Variants in CEP170 observed in about 807,000 individuals in gnomAD.
CEP170 encodes centrosomal protein 170.
In CEP170, 21 loss-of-function variants were observed where a neutral mutation model predicts 151.9. The ratio of observed to expected loss-of-function variants is 0.14; its 90% CI spans 0.10 to 0.20. CEP170 has a LOEUF of 0.20. CEP170 is among the 10% of genes least tolerant of loss of function. The pLI is 1.00. For synonymous variants in CEP170, 356 were observed against 648.8 expected (o/e 0.55, Z 6.86); for missense variants, 964 against 1,892.9 (o/e 0.51, Z 9.11).
intron 13 of CEP170, among the ~76,000 whole-genome samples, chr1:243,161,303 CAAA>C (rs200842010): frequency 9.2e-6 from 1 of 108,502 alleles, no homozygotes. Context: ...GAGTCCGTCT[CAAA>C]AAAAAAAAAA....
chr1:243,150,212 G>A (rs1223260820), intron 14 of CEP170, among the ~76,000 whole-genome samples: 5 of 152,290 alleles, frequency 3.3e-5, no homozygotes, highest in African/African-American at 1.2e-4. Context: ...GTGCAGTGGC[G>A]TGATCTCGGC....
rs551156299 is a variant in CEP170, at chr1:243,228,670, C to A, written c.-41-3349G>T. 2.6e-5 allele frequency among the ~76,000 whole-genome samples: 4 copies of A among 152,180 alleles called. No homozygotes were observed. In the East Asian group the frequency reaches 7.7e-4, roughly 29 times the overall value. Reference sequence around the variant, plus strand: ...AAGACATGTTAAAAGAAAATAAATCCAGCCTACATACAGTAAACTAAAACA... The same window carrying A: ...AAGACATGTTAAAAGAAAATAAATCAAGCCTACATACAGTAAACTAAAACA... On this transcript the variant is annotated intron_variant, in intron 1 of 19. Transcript: ENST00000366542.
chr1:243,157,008 C>T (rs2057622961), intron 13 of CEP170, among the ~76,000 whole-genome samples: 1 of 152,194 alleles, frequency 6.6e-6, no homozygotes, highest in Non-Finnish European at 1.5e-5. Flanking sequence ...AACATTACCT[C>T]TGTCATTCAA....
intron 12 of CEP170, among the ~76,000 whole-genome samples, chr1:243,166,338 G>T (rs2058440079): frequency 6.6e-6 from 1 of 152,034 alleles, no homozygotes; most frequent in Non-Finnish European, 1.5e-5. Context: ...ATCATGTCTA[G>T]ATTACTTATA....
At chr1:243,232,358 A>T (rs1420582153) in intron 1 of CEP170, among the ~76,000 whole-genome samples, 1 of 152,138 alleles carries the variant, frequency 6.6e-6, no homozygotes, top group East Asian at 1.9e-4. Context: ...GTGCTTATCA[A>T]TTTCAGCATT....
At chr1:243,151,127 C>A (rs1288710755) in intron 14 of CEP170, among the ~76,000 whole-genome samples, 1 of 152,258 alleles carries the variant, frequency 6.6e-6, no homozygotes, top group Non-Finnish European at 1.5e-5. Context: ...AACGATGAGT[C>A]TAGCCCTCAC....
chr1:243,229,366 A>G (rs115593177), intron 1 of CEP170, among the ~76,000 whole-genome samples: 143 of 152,306 alleles, frequency 9.4e-4, no homozygotes, highest in African/African-American at 3.2e-3. Context: ...TGCTTTCTAA[A>G]TGACTGCAAA....
chr1:243,147,266 C>T (rs1164843222), intron 14 of CEP170, among the ~76,000 whole-genome samples: 2 of 152,208 alleles, frequency 1.3e-5, no homozygotes, highest in Admixed American at 1.3e-4. Context: ...GGTTTTGGCC[C>T]ATTATTCAAG....
intron 1 of CEP170, among the ~76,000 whole-genome samples, chr1:243,228,652 G>A (rs2063487026): frequency 6.6e-6 from 1 of 152,148 alleles, no homozygotes; most frequent in South Asian, 2.1e-4. Context: ...ATTAAGACAT[G>A]TTAAAAGAAA....
At chr1:243,178,755 GT>G (rs1309620083) in intron 10 of CEP170, among the ~76,000 whole-genome samples, 1 of 149,050 alleles carries the variant, frequency 6.7e-6, no homozygotes, top group Non-Finnish European at 1.5e-5. Flanking sequence ...GTCTTGCTCT[GT>G]CACCCAGGCT....
intron 14 of CEP170, 71 bp downstream of exon 14, chr1:243,156,150 C>A: frequency 2.0e-6 from 3 of 1,493,704 alleles, no homozygotes; most frequent in Middle Eastern, 3.5e-4. Flanking sequence ...CAAGTACAAG[C>A]TAAACTTTGT....
intron 4 of CEP170, among the ~76,000 whole-genome samples, chr1:243,208,102 T>C (rs2061538387): frequency 6.6e-6 from 1 of 152,070 alleles, no homozygotes; most frequent in African/African-American, 2.4e-5. Context: ...TTCTGGTTCA[T>C]CCTTGACTCT....
At chr1:243,233,604 G>A (rs1056591779) in intron 1 of CEP170, among the ~76,000 whole-genome samples, 12 of 151,418 alleles carry the variant, frequency 7.9e-5, no homozygotes, top group African/African-American at 2.9e-4. Context: ...GTGGTGGCAG[G>A]CGCCTGTAGT....
intron 3 of CEP170, among the ~76,000 whole-genome samples, chr1:243,220,849 G>A (rs1183106600): frequency 6.6e-6 from 1 of 152,086 alleles, no homozygotes; most frequent in East Asian, 1.9e-4. Context: ...GAAGAAATAA[G>A]AAAAAATTCA....
At chr1:243,145,757 G>GC (rs985813106) in intron 14 of CEP170, among the ~76,000 whole-genome samples, 1 of 152,134 alleles carries the variant, frequency 6.6e-6, no homozygotes, top group South Asian at 2.1e-4. Flanking sequence ...GCTTATGACC[G>GC]CAAGTCAAAC....
At chr1:243,179,390 T>TC (rs1177746905) in intron 10 of CEP170, among the ~76,000 whole-genome samples, 1 of 152,190 alleles carries the variant, frequency 6.6e-6, no homozygotes, top group Non-Finnish European at 1.5e-5. Flanking sequence ...CGCTAGGAAC[T>TC]CAAAGGTAAG....
chr1:243,237,762 G>A (rs1042117462), intron 1 of CEP170, among the ~76,000 whole-genome samples: 4 of 152,118 alleles, frequency 2.6e-5, no homozygotes, highest in Admixed American at 2.6e-4. Flanking sequence ...AAAATTAGCT[G>A]GGCCTTGTGG....
chr1:243,221,821 G>C lies in CEP170; in HGVS notation c.106-8C>G. 6.2e-7 allele frequency: 1 copy of C among 1,602,860 alleles called. No homozygotes were observed. The highest frequency in any genetic ancestry group is 8.5e-7 in the Non-Finnish European group (1 of 1,175,748). ...CTTATCCACACTACGAGACTGAAAGGAATGTTGTCAGTTAATAAATATAAG... is the reference window on the plus strand; with the variant it reads ...CTTATCCACACTACGAGACTGAAAGCAATGTTGTCAGTTAATAAATATAAG... On this transcript the variant is annotated splice_polypyrimidine_tract_variant and splice_region_variant and intron_variant, in intron 2 of 19. Coordinates refer to ENST00000366542, the MANE Select transcript of CEP170 (RefSeq NM_014812.3).
chr1:243,141,521 GC>G (rs1345566809), intron 15 of CEP170, among the ~76,000 whole-genome samples: 1 of 152,022 alleles, frequency 6.6e-6, no homozygotes, highest in African/African-American at 2.4e-5. Flanking sequence ...ATTAAAACTG[GC>G]AGCAAGGCCA....
Sources: allele counts gnomAD v4.1 joint callset (sites outside exome capture counted in the v4.1 genomes callset), GRCh38; gene constraint gnomAD v4.1.1; transcripts MANE v1.5; gene names NCBI Gene and HGNC (gene_info 2026-07-23, HGNC 2026-07-21).